CACNA1C: variants seen among roughly 807,000 people sequenced by gnomAD.
The protein encoded by CACNA1C is voltage-dependent L-type calcium channel subunit alpha-1C.
CACNA1C carries 30 observed loss-of-function variants against 229.0 expected under a neutral mutation model. The ratio of observed to expected loss-of-function variants is 0.13; its 90% CI spans 0.10 to 0.18. The LOEUF (loss-of-function observed/expected upper bound fraction) is 0.18. Ranked by LOEUF, CACNA1C falls within the 10% of genes least tolerant of loss-of-function variation. The pLI, the probability that CACNA1C is intolerant of heterozygous loss-of-function variation, is 1.00. For synonymous variants in CACNA1C, 1,114 were observed against 1,132.5 expected, an observed-to-expected ratio of 0.98 and a Z score of 0.33; for missense variants, 1,658 against 2,845.0, an observed-to-expected ratio of 0.58 and a Z score of 9.49.
intron 3 of CACNA1C, among the ~76,000 whole-genome samples, chr12:2,437,839 GAT>G (rs2099153483): frequency 3.1e-5 from 3 of 97,016 alleles, no homozygotes; most frequent in Non-Finnish European, 7.9e-5. Context: ...TGGTGGTAAT[GAT>G]GGTGGTGATG....
In CACNA1C at chr12:2,602,573, G is replaced by A. The variant is rs1246789243; in HGVS notation, c.2960+613G>A. The stretch of plus-strand genomic sequence containing the variant: ...TATGGACGTGAATGTATATGTGTAT[G>A]TATGTGCATATGTATGTGTGAGTGC... On this transcript the variant is annotated intron_variant, in intron 22 of 46. Transcript: ENST00000399655. This position sits in a 1 kb window ranked among gnomAD's most constrained non-coding sequence, Gnocchi z 4.4. Among the ~76,000 whole-genome samples the A allele has an allele frequency of 6.6e-6, 1 of 151,862 alleles. No homozygotes were observed. Among genetic ancestry groups the A allele is most frequent in the Non-Finnish European group, 1.5e-5 (1 of 67,978 alleles).
intron 3 of CACNA1C, among the ~76,000 whole-genome samples, chr12:2,256,857 G>T (rs1193705696): frequency 6.6e-6 from 1 of 152,186 alleles, no homozygotes; most frequent in African/African-American, 2.4e-5. Context: ...TTCCAGGTTT[G>T]GAAACCAGCA....
At chr12:2,657,239 AG>A (rs913457052) in intron 34 of CACNA1C, among the ~76,000 whole-genome samples, 1 of 152,238 alleles carries the variant, frequency 6.6e-6, no homozygotes, top group Non-Finnish European at 1.5e-5. Context: ...GTTTATATAA[AG>A]TCTAGATACT....
intron 3 of CACNA1C, among the ~76,000 whole-genome samples, chr12:2,170,493 G>A (rs1220558643): frequency 1.3e-5 from 2 of 152,216 alleles, no homozygotes; most frequent in Non-Finnish European, 2.9e-5. Flanking sequence ...CTTGGCCCAG[G>A]ATGGAGAATA....
chr12:2,111,371 G>A (rs572023940), intron 1 of CACNA1C, among the ~76,000 whole-genome samples: 3 of 152,316 alleles, frequency 2.0e-5, no homozygotes, highest in Non-Finnish European at 4.4e-5. Context: ...TCCGGGTGCA[G>A]GGATGCTCCC....
rs2099699881 is a variant in CACNA1C at position 2,486,852 on chromosome 12, G to A, written c.916+590G>A. 6.6e-6 allele frequency among the ~76,000 whole-genome samples: 1 copy of A among 152,192 alleles called. No homozygotes were observed. The highest frequency in any genetic ancestry group is 2.4e-5 in the African/African-American group (1 of 41,436). On this transcript the variant is annotated intron_variant, in intron 6 of 46. Transcript: ENST00000399655. This position sits in a 1 kb window ranked among gnomAD's most constrained non-coding sequence, Gnocchi z 4.9. ...GGTGGGAATCACCCCCTTGCCGGCA[G>A]CCAAACTTCCTCCCTTCAAGGAGAA...
chr12:2,421,383 C>T (rs557442615), intron 3 of CACNA1C, among the ~76,000 whole-genome samples: 7 of 152,262 alleles, frequency 4.6e-5, no homozygotes, highest in African/African-American at 1.2e-4. Flanking sequence ...GAACTTTGCA[C>T]GCTTGAAGTT....
rs181947413 is a variant in CACNA1C, at chr12:2,486,376, A to G, written c.916+114A>G. 117 of 762,148 alleles carry G rather than the reference A, an allele frequency of 1.5e-4. No individual in the cohort carries two copies. The African/African-American group carries it at 1.7e-3, about 11-fold the overall frequency. The allele number at this position is 762,148 out of a possible 1,614,324, so 47.2% of individuals were successfully genotyped here. A position where few individuals can be genotyped will look rare whatever the true frequency, so the allele number is the denominator to read the frequency against. ...GCAGAGCCCAGGGAAGGCCCCATTC[A>G]TTCAGACACACACTGGGCATGGTTA... is the stretch of plus-strand genomic sequence containing the variant. On this transcript the variant is annotated intron_variant, in intron 6 of 46. Transcript: ENST00000399655. The surrounding 1 kb of genome is among the most constrained non-coding windows in gnomAD (Gnocchi z 4.9).
At chr12:2,383,469 C>T (rs909493059) in intron 3 of CACNA1C, among the ~76,000 whole-genome samples, 1 of 152,060 alleles carries the variant, frequency 6.6e-6, no homozygotes, top group Admixed American at 6.5e-5. Context: ...TCTTCATGTC[C>T]GGTTGAGCGA....
intron 3 of CACNA1C, among the ~76,000 whole-genome samples, chr12:2,368,963 T>G (rs1412174177): frequency 6.6e-6 from 1 of 152,172 alleles, no homozygotes; most frequent in East Asian, 1.9e-4. Flanking sequence ...CAGAGCTGTG[T>G]GAAACAAACA....
intron 19 of CACNA1C, among the ~76,000 whole-genome samples, chr12:2,594,588 T>C (rs537178761): frequency 6.6e-6 from 1 of 152,392 alleles, no homozygotes; most frequent in Admixed American, 6.5e-5. Flanking sequence ...TTCCTCATCT[T>C]TGTGATTTAG....
In CACNA1C at chr12:2,601,864, A is replaced by G; in HGVS notation, c.2864A>G (p.Tyr955Cys). The change falls in exon 22 of 47, where the codon TAT becomes TGT. Residue 955 changes from tyrosine to cysteine, a missense_variant. Around this residue, in one of 20 missense-constraint regions of CACNA1C, gnomAD observed 39 missense variants for 143.3 expected, o/e 0.27. Transcript: ENST00000399655. The surrounding 1 kb of genome is among the most constrained non-coding windows in gnomAD (Gnocchi z 5.9). ...TGTCCCTCCCTGCAGATGACTGCTT[A>G]TGGGGCTTTCTTGCACAAGGGTTCT... is the stretch of plus-strand genomic sequence containing the variant. ...TIEIALKMTA[Y>C]GAFLHKGSFC... The G allele has an allele frequency of 2.5e-6, 4 of 1,613,070 alleles. No homozygotes were observed. Among genetic ancestry groups the G allele is most frequent in the Non-Finnish European group, 3.4e-6 (4 of 1,179,096 alleles).
At chr12:2,556,909 T>C in intron 10 of CACNA1C, 42 bp from the exon 11 acceptor site, 1 of 1,576,108 alleles carries the variant, frequency 6.3e-7, no homozygotes, top group Non-Finnish European at 8.7e-7. Context: ...TAAATGCACG[T>C]GTGTGTCCAT....
In CACNA1C at chr12:2,310,365, A is replaced by G. The variant is rs116283506; in HGVS notation, c.478-138611A>G. On this transcript the variant is annotated intron_variant, in intron 3 of 46. Transcript: ENST00000399655. Reference sequence around the variant, plus strand: ...GTTAAAAAAAAAAATATATATATATATATATATGTATGGGAATAAAGACTT... The same window carrying G: ...GTTAAAAAAAAAAATATATATATATGTATATATGTATGGGAATAAAGACTT... Among the ~76,000 whole-genome samples the G allele has an allele frequency of 6.8e-3, 1,026 of 150,364 alleles. 8 individuals are homozygous for G. Among genetic ancestry groups the G allele is most frequent in the African/African-American group, 0.023 (925 of 40,932 alleles).
At chr12:2,056,196 AGTGTGTGT>A (rs138718348) in intron 1 of CACNA1C, among the ~76,000 whole-genome samples, 4,347 of 146,062 alleles carry the variant, frequency 0.03, 94 homozygotes, top group Non-Finnish European at 0.041. Flanking sequence ...AGTGTGTGTG[AGTGTGTGT>A]GTGTGTGTGT....
At chr12:2,481,034 A>C (rs770057379) in intron 5 of CACNA1C, among the ~76,000 whole-genome samples, 4 of 152,218 alleles carry the variant, frequency 2.6e-5, no homozygotes, top group African/African-American at 4.8e-5. Flanking sequence ...TAGAGTCCTT[A>C]AGAGGAGCCT....
intron 3 of CACNA1C, among the ~76,000 whole-genome samples, chr12:2,432,939 C>A (rs547181669): frequency 1.3e-5 from 2 of 152,180 alleles, no homozygotes; most frequent in Non-Finnish European, 2.9e-5. Context: ...AAAGCAGACA[C>A]TGAGGCTGTG....
Position 2,633,812 on chromosome 12 carries a change from GTTTT to G in CACNA1C, c.3829-480_3829-477del. On this transcript the variant is annotated intron_variant, in intron 29 of 46. Transcript: ENST00000399655. This position sits in a 1 kb window ranked among gnomAD's most constrained non-coding sequence, Gnocchi z 5.8. ...ACTCTCTCTGTTTACCTTCTTTTAT[GTTTT>G]TTTTAATTTCCTGTTTTTACCCGCC... The G allele has an allele frequency of 1.4e-6, 1 of 712,570 alleles. No individual in the cohort carries two copies. The highest frequency in any genetic ancestry group is 2.4e-6 in the Non-Finnish European group (1 of 414,148). The allele number at this position is 712,570 out of a possible 1,614,324, so 44.1% of individuals were successfully genotyped here. A position where few individuals can be genotyped will look rare whatever the true frequency, so the allele number is the denominator to read the frequency against.
intron 1 of CACNA1C, among the ~76,000 whole-genome samples, chr12:2,013,367 A>G (rs1054044486): frequency 6.6e-6 from 1 of 152,246 alleles, no homozygotes; most frequent in Non-Finnish European, 1.5e-5. Context: ...TATCCTGCAC[A>G]AAAGAGTCAT....
Sources: allele counts gnomAD v4.1 joint callset (sites outside exome capture counted in the v4.1 genomes callset), GRCh38; gene constraint gnomAD v4.1.1; regional missense constraint gnomAD v4.1.1; non-coding constraint Gnocchi (gnomAD v3.1); transcripts MANE v1.5; gene names NCBI Gene and HGNC (gene_info 2026-07-23, HGNC 2026-07-21).